The following YEATS2 variants were observed in gnomAD, a reference collection of about 807,000 sequenced individuals.
The protein encoded by YEATS2 is YEATS domain containing 2.
YEATS2 carries 77 observed loss-of-function variants against 163.2 expected under a neutral mutation model. The ratio of observed to expected loss-of-function variants is 0.47; its 90% CI spans 0.39 to 0.57. The LOEUF is 0.57. YEATS2 is among the 20% of genes least tolerant of loss of function. The pLI is 0.00. For synonymous variants in YEATS2, 631 were observed against 645.1 expected (o/e 0.98, Z 0.33); for missense variants, 1,549 against 1,729.8 (o/e 0.90, Z 1.85).
In YEATS2 at chr3:183,700,379, G is replaced by A. The variant is rs984834722; in HGVS notation, c.-20+2386G>A. ...TGTATTTTCTTAGAATAGATTCTCA[G>A]AAATAGTTGGTCCTGTCCTCTTCTC... On this transcript the variant is annotated intron_variant, in intron 1 of 30. Coordinates refer to ENST00000305135, the MANE Select transcript of YEATS2 (RefSeq NM_018023.5). Among the ~76,000 whole-genome samples, 4 of 151,980 alleles carry A rather than the reference G, an allele frequency of 2.6e-5. No homozygotes were observed. In the South Asian group the frequency reaches 8.3e-4, roughly 31 times the overall value.
intron 15 of YEATS2, among the ~76,000 whole-genome samples, chr3:183,763,587 G>A (rs543254199): frequency 6.6e-5 from 10 of 152,296 alleles, no homozygotes; most frequent in South Asian, 6.2e-4. Context: ...TGGCTCAGAG[G>A]TTAAACAGTT....
In YEATS2 at chr3:183,773,748, G is replaced by T. The variant is rs777917478; in HGVS notation, c.2322G>T (p.Leu774=). 89 of 1,613,248 alleles carry T rather than the reference G, an allele frequency of 5.5e-5. No individual in the cohort carries two copies. Among genetic ancestry groups the T allele is most frequent in the Non-Finnish European group, 7.5e-5 (88 of 1,179,790 alleles). The change falls in exon 17 of 31, where the codon CTG becomes CTT. Residue 774 remains leucine (L), a synonymous_variant. Transcript: ENST00000305135. ...NSKNPSGKGK[L]LLIPQGAILR... Reference sequence around the variant, plus strand: ...AGAACCCTTCAGGAAAAGGAAAACTGCTGCTGATCCCTCAAGGAGCCATCC... The same window carrying T: ...AGAACCCTTCAGGAAAAGGAAAACTTCTGCTGATCCCTCAAGGAGCCATCC...
chr3:183,774,106 G>A (rs142549588), intron 17 of YEATS2, among the ~76,000 whole-genome samples: 1 of 152,316 alleles, frequency 6.6e-6, no homozygotes, highest in African/African-American at 2.4e-5. Flanking sequence ...ATACCTGAGG[G>A]AAGATCCATC....
At chr3:183,797,536 C>T (rs1279619862) in intron 21 of YEATS2, among the ~76,000 whole-genome samples, 1 of 124,592 alleles carries the variant, frequency 8.0e-6, no homozygotes, top group Non-Finnish European at 1.6e-5. Context: ...AACAGCCTGT[C>T]TCTAACACAA....
At chr3:183,741,520 G>A (rs1467333459) in intron 8 of YEATS2, among the ~76,000 whole-genome samples, 1 of 152,114 alleles carries the variant, frequency 6.6e-6, no homozygotes, top group African/African-American at 2.4e-5. Context: ...GGTGGCTTAT[G>A]TCTGTAATCC....
intron 11 of YEATS2, 67 bp downstream of exon 11, chr3:183,754,432 A>G: frequency 9.2e-6 from 14 of 1,529,524 alleles, no homozygotes; most frequent in Non-Finnish European, 1.1e-5. Flanking sequence ...GGAACAACAA[A>G]ACAAAATACT....
intron 27 of YEATS2, among the ~76,000 whole-genome samples, chr3:183,805,040 G>A (rs756688187): frequency 2.6e-5 from 4 of 151,364 alleles, no homozygotes; most frequent in Non-Finnish European, 5.9e-5. Flanking sequence ...CAGGGCCATG[G>A]GGTGTAGGAG....
intron 6 of YEATS2, among the ~76,000 whole-genome samples, chr3:183,725,602 A>T: frequency 6.6e-6 from 1 of 152,298 alleles, no homozygotes; most frequent in East Asian, 1.9e-4. Flanking sequence ...CCCTTATAAA[A>T]CTGTCAGATC....
Position 183,798,070 on chromosome 3 carries a change from G to A in YEATS2, c.3226+19G>A. 1 of 1,612,214 alleles carries A rather than the reference G, an allele frequency of 6.2e-7. No individual in the cohort carries two copies. The highest frequency in any genetic ancestry group is 8.5e-7 in the Non-Finnish European group (1 of 1,179,484). ...AATAAAGGTGAGTCCCTTGCCCACG[G>A]GTCGTCTGTGCTGTGGCTGCCTCCA... On this transcript the variant is annotated intron_variant, in intron 22 of 30. Transcript: ENST00000305135.
intron 9 of YEATS2, among the ~76,000 whole-genome samples, chr3:183,748,029 A>T (rs542800582): frequency 1.3e-5 from 2 of 151,942 alleles, no homozygotes; most frequent in South Asian, 4.2e-4. Context: ...TAGGGAAAAA[A>T]TTAGTGTTAG....
At chr3:183,718,443 G>C in intron 3 of YEATS2, 57 bp from the exon 4 acceptor site, 2 of 1,262,010 alleles carry the variant, frequency 1.6e-6, no homozygotes, top group African/African-American at 1.5e-5. Flanking sequence ...TGAATTGTTT[G>C]TACATCTCTT....
At chr3:183,754,666 G>A (rs73175316) in intron 11 of YEATS2, among the ~76,000 whole-genome samples, 2 of 152,292 alleles carry the variant, frequency 1.3e-5, no homozygotes, top group South Asian at 2.1e-4. Context: ...TGTAGGAATC[G>A]TGTTTGGGGA....
At chr3:183,768,727 C>T (rs1222304516) in intron 15 of YEATS2, among the ~76,000 whole-genome samples, 1 of 152,136 alleles carries the variant, frequency 6.6e-6, no homozygotes, top group Non-Finnish European at 1.5e-5. Context: ...AATCTCAGCA[C>T]TTTGGGAGGC....
At chr3:183,790,603 G>A (rs1051717041) in intron 20 of YEATS2, among the ~76,000 whole-genome samples, 194 bp from the exon 21 acceptor site, 3 of 152,046 alleles carry the variant, frequency 2.0e-5, no homozygotes, top group Admixed American at 2.0e-4. Flanking sequence ...AATTTTCTTG[G>A]TCCATGAAAT....
At chr3:183,732,421 C>T (rs1022084993) in intron 7 of YEATS2, among the ~76,000 whole-genome samples, 1 of 149,506 alleles carries the variant, frequency 6.7e-6, no homozygotes, top group Admixed American at 6.7e-5. Context: ...CCACTGCACT[C>T]CAGCCTAGGT....
intron 26 of YEATS2, 171 bp downstream of exon 26, chr3:183,803,506 T>C: frequency 1.5e-6 from 1 of 664,920 alleles, no homozygotes; most frequent in Non-Finnish European, 2.5e-6. Context: ...CAGGCGTGCC[T>C]TCTTTTCCTG....
At chr3:183,804,224 A>C (rs1473858043) in intron 27 of YEATS2, 36 bp downstream of exon 27, 1 of 1,611,356 alleles carries the variant, frequency 6.2e-7, no homozygotes, top group Non-Finnish European at 8.5e-7. Flanking sequence ...AGCGCCTGGC[A>C]GCCTGGAGGC....
At chr3:183,744,182 A>C (rs1195531784) in intron 8 of YEATS2, among the ~76,000 whole-genome samples, 1 of 132,076 alleles carries the variant, frequency 7.6e-6, no homozygotes, top group East Asian at 2.2e-4. Context: ...GTGCAATCTC[A>C]GCTCACTGCA....
intron 8 of YEATS2, among the ~76,000 whole-genome samples, chr3:183,737,072 A>T (rs1718417064): frequency 6.6e-6 from 1 of 152,226 alleles, no homozygotes; most frequent in African/African-American, 2.4e-5. Flanking sequence ...CTTACAATAA[A>T]GTAAGCTGGA....
Sources: gnomAD v4.1 joint callset for allele counts (sites outside exome capture counted in the v4.1 genomes callset) on GRCh38, gnomAD v4.1.1 for gene constraint, MANE v1.5 for transcripts, NCBI Gene and HGNC (gene_info 2026-07-23, HGNC 2026-07-21) for gene names.